STARD13: variants seen among roughly 807,000 people sequenced by gnomAD.
The protein encoded by STARD13 is StAR related lipid transfer domain containing 13, also known as stAR-related lipid transfer protein 13.
STARD13 carries 62 observed loss-of-function variants against 106.4 expected under a neutral mutation model. That is an observed-to-expected ratio of 0.58 (90% CI 0.48 to 0.72). The LOEUF (loss-of-function observed/expected upper bound fraction) is 0.72, where lower values mean the gene tolerates loss of function less well. Ranked by LOEUF, STARD13 falls within the 30% of genes least tolerant of loss-of-function variation. The pLI is 0.00. For missense variants in STARD13, 1,387 were observed against 1,424.0 expected, an observed-to-expected ratio of 0.97 and a Z score of 0.42; for synonymous variants, 565 against 553.0, an observed-to-expected ratio of 1.02 and a Z score of -0.31.
At chr13:33,461,692 A>AT in the STARD13 span, among the ~76,000 whole-genome samples, 3 of 152,072 alleles carry the variant, frequency 2.0e-5, no homozygotes, top group African/African-American at 4.8e-5. Context: ...TCTTGTAGTG[A>AT]TTTTTTACAG....
the STARD13 span, among the ~76,000 whole-genome samples, chr13:33,471,289 A>G: frequency 6.6e-6 from 1 of 152,214 alleles, no homozygotes; most frequent in Non-Finnish European, 1.5e-5. Flanking sequence ...CATAGAGAGT[A>G]GCAGAGAGAT....
the STARD13 span, among the ~76,000 whole-genome samples, chr13:33,471,890 G>T: frequency 6.6e-6 from 1 of 151,956 alleles, no homozygotes; most frequent in African/African-American, 2.4e-5. Context: ...GAAATATGTA[G>T]GAAGAATATT....
chr13:33,623,441 A>AG, the STARD13 span, among the ~76,000 whole-genome samples: 3 of 149,610 alleles, frequency 2.0e-5, no homozygotes, highest in Non-Finnish European at 4.5e-5. Context: ...AAAAAAAAAA[A>AG]AAAAAAAAAA....
chr13:33,357,961 C>T, the STARD13 span, among the ~76,000 whole-genome samples: 1 of 152,148 alleles, frequency 6.6e-6, no homozygotes, highest in Non-Finnish European at 1.5e-5. Context: ...ACTCCCTCAG[C>T]TTGCAGGGAG....
chr13:33,464,043 G>A, the STARD13 span, among the ~76,000 whole-genome samples: 20,718 of 102,420 alleles, frequency 0.2, 2,758 homozygotes, highest in Non-Finnish European at 0.3. Flanking sequence ...ATATATATAT[G>A]TATATGTATA....
At position 33,112,726 on chromosome 13, in the gene STARD13, A is replaced by G; in HGVS notation, c.2487T>C (p.Ser829=). The change falls in exon 9 of 14, where the codon TCT becomes TCC. Residue 829 remains serine, a synonymous_variant. Coordinates refer to ENST00000336934, the MANE Select transcript of STARD13 (RefSeq NM_178006.4). The part of the protein sequence containing the change: ...FHLNLLKKES[S]PRVIQKKYAT... ...TACTGAGAAAAAAAACCCACCGTGGAGAGCTTTCTTTCTTCAATAAATTAA... is the reference window on the plus strand; with the variant it reads ...TACTGAGAAAAAAAACCCACCGTGGGGAGCTTTCTTTCTTCAATAAATTAA... 6.3e-7 allele frequency: 1 copy of G among 1,595,824 alleles called. No individual in the cohort carries two copies. The highest frequency in any genetic ancestry group is 8.5e-7 in the Non-Finnish European group (1 of 1,171,552).
the STARD13 span, among the ~76,000 whole-genome samples, chr13:33,407,966 T>C: frequency 6.6e-6 from 1 of 152,188 alleles, no homozygotes; most frequent in Non-Finnish European, 1.5e-5. Context: ...CATTTACTAA[T>C]CTCAACGTGA....
At position 33,129,937 on chromosome 13, in the gene STARD13, T is replaced by C. The variant is rs1160178397; in HGVS notation, c.740A>G (p.Lys247Arg). The change falls in exon 5 of 14, where the codon AAG (lysine) becomes AGG (arginine). Residue 247 changes from lysine to arginine, a missense_variant. Transcript: ENST00000336934. Reference protein sequence around the residue: ...RDVLNHPFHPKNEKPTRARAK... With the variant: ...RDVLNHPFHPRNEKPTRARAK... Reference sequence around the variant, plus strand: ...CCTAGCCCTCGTGGGCTTCTCATTCTTGGGGTGGAAGGGGTGGTTGAGGAC... The same window carrying C: ...CCTAGCCCTCGTGGGCTTCTCATTCCTGGGGTGGAAGGGGTGGTTGAGGAC... 1.2e-6 allele frequency: 2 copies of C among 1,613,530 alleles called. No individual in the cohort carries two copies. The highest frequency in any genetic ancestry group is 2.2e-5 in the East Asian group (1 of 44,860).
At chr13:33,519,029 C>T in the STARD13 span, among the ~76,000 whole-genome samples, 16 of 152,132 alleles carry the variant, frequency 1.1e-4, no homozygotes, top group South Asian at 3.3e-3. Context: ...AAGAACCCTG[C>T]TAAGTCAGCT....
chr13:33,204,334 T>C (rs2138109032), intron 1 of STARD13, among the ~76,000 whole-genome samples: 1 of 152,274 alleles, frequency 6.6e-6, no homozygotes, highest in East Asian at 1.9e-4. Flanking sequence ...CGCACATCTC[T>C]CAATGACTAC....
the STARD13 span, among the ~76,000 whole-genome samples, chr13:33,419,837 T>C: frequency 6.6e-6 from 1 of 152,226 alleles, no homozygotes; most frequent in East Asian, 1.9e-4. Context: ...CAACCCAGAA[T>C]GTCATATCCA....
chr13:33,149,765 T>C (rs1343419727), intron 3 of STARD13, among the ~76,000 whole-genome samples: 1 of 152,220 alleles, frequency 6.6e-6, no homozygotes, highest in Admixed American at 6.5e-5. Context: ...TGTAAACGCC[T>C]CTTTAAGATC....
chr13:33,611,488 C>G, the STARD13 span: 1 of 152,214 alleles, frequency 6.6e-6, no homozygotes, highest in African/African-American at 2.4e-5. Context: ...CTATTCTTTG[C>G]ACTACATTAT....
At chr13:33,664,636 T>C in the STARD13 span, among the ~76,000 whole-genome samples, 73 of 152,306 alleles carry the variant, frequency 4.8e-4, no homozygotes, top group African/African-American at 1.7e-3. Context: ...ATTGACTCTT[T>C]TATTTATTGA....
At chr13:33,399,700 CAAAAAAAAAAAAAAAA>C in the STARD13 span, among the ~76,000 whole-genome samples, 20 of 26,992 alleles carry the variant, frequency 7.4e-4, no homozygotes, top group African/African-American at 1.6e-3. Context: ...GACTCTGTCT[CAAAAAAAAAAAAAAAA>C]AAAAAAAAAG....
At chr13:33,504,674 C>A in the STARD13 span, among the ~76,000 whole-genome samples, 2 of 151,938 alleles carry the variant, frequency 1.3e-5, no homozygotes, top group African/African-American at 4.8e-5. Flanking sequence ...TTGATGGGTG[C>A]AGCACACCAA....
At chr13:33,614,848 G>A in the STARD13 span, among the ~76,000 whole-genome samples, 2 of 152,268 alleles carry the variant, frequency 1.3e-5, no homozygotes, top group African/African-American at 4.8e-5. Flanking sequence ...GTGAGTGCAA[G>A]AGGGAAAGAA....
At chr13:33,372,598 A>G in the STARD13 span, among the ~76,000 whole-genome samples, 1 of 151,844 alleles carries the variant, frequency 6.6e-6, no homozygotes, top group Non-Finnish European at 1.5e-5. Context: ...TAATCCTTTC[A>G]AATATGAACC....
chr13:33,149,264 T>C (rs1056786055), intron 3 of STARD13, among the ~76,000 whole-genome samples: 1 of 152,046 alleles, frequency 6.6e-6, no homozygotes, highest in African/African-American at 2.4e-5. Flanking sequence ...TGGTGGGGGA[T>C]GTTGATAGTG....
Sources: allele counts gnomAD v4.1 joint callset (sites outside exome capture counted in the v4.1 genomes callset), GRCh38; gene constraint gnomAD v4.1.1; transcripts MANE v1.5; gene names NCBI Gene and HGNC (gene_info 2026-07-23, HGNC 2026-07-21).